Variants in FBN2 observed in about 807,000 individuals in gnomAD.
FBN2 encodes the protein fibrillin 2.
FBN2 carries 105 observed loss-of-function variants against 355.6 expected under a neutral mutation model. The ratio of observed to expected loss-of-function variants is 0.30; its 90% CI spans 0.25 to 0.35. The LOEUF (loss-of-function observed/expected upper bound fraction) is 0.35. Ranked by LOEUF, FBN2 falls within the 10% of genes least tolerant of loss-of-function variation. FBN2 has a pLI of 1.00. For missense variants in FBN2, 3,280 were observed against 3,758.7 expected (o/e 0.87, Z 3.33); for synonymous variants, 1,350 against 1,301.2 (o/e 1.04, Z -0.81).
intron 9 of FBN2, among the ~76,000 whole-genome samples, chr5:128,394,523 C>T (rs1461447309): frequency 1.3e-5 from 2 of 152,084 alleles, no homozygotes; most frequent in East Asian, 3.9e-4. Flanking sequence ...TTTTCTTCCT[C>T]ATAGATATTT....
chr5:128,444,112 C>A (rs1467941908), intron 7 of FBN2, among the ~76,000 whole-genome samples: 1 of 132,620 alleles, frequency 7.5e-6, no homozygotes, highest in Non-Finnish European at 1.5e-5. Context: ...GTCGCCCAGG[C>A]CGGACTGCGG....
At chr5:128,497,706 C>T (rs1385553184) in intron 5 of FBN2, among the ~76,000 whole-genome samples, 1 of 152,008 alleles carries the variant, frequency 6.6e-6, no homozygotes, top group African/African-American at 2.4e-5. Flanking sequence ...AGAGGTGGAG[C>T]CATATTTCAA....
chr5:128,465,322 G>C (rs1754680640), intron 5 of FBN2, among the ~76,000 whole-genome samples: 1 of 152,170 alleles, frequency 6.6e-6, no homozygotes. Context: ...AGCACTGGTG[G>C]GATGAAGTGT....
At chr5:128,361,898 T>A in intron 18 of FBN2, 50 bp from the exon 19 acceptor site, 1 of 1,562,956 alleles carries the variant, frequency 6.4e-7, no homozygotes, top group Non-Finnish European at 8.8e-7. Flanking sequence ...AAGCATCTAT[T>A]ACAGTGGGCA....
At chr5:128,384,586 G>A (rs1231511474) in intron 11 of FBN2, among the ~76,000 whole-genome samples, 1 of 152,010 alleles carries the variant, frequency 6.6e-6, no homozygotes, top group Non-Finnish European at 1.5e-5. Context: ...TATGATATAA[G>A]GTGTTGTGAA....
intron 6 of FBN2, among the ~76,000 whole-genome samples, chr5:128,447,867 A>T (rs1754115593): frequency 3.3e-5 from 5 of 152,174 alleles, no homozygotes. Context: ...ACACTTAGGG[A>T]AATAGAAAAG....
At position 128,377,828 on chromosome 5, in the gene FBN2, G is replaced by A. The variant is rs763629454; in HGVS notation, c.1773C>T (p.Cys591=). The A allele has an allele frequency of 3.7e-6, 6 of 1,613,178 alleles. No homozygotes were observed. The highest frequency in any genetic ancestry group is 2.2e-5 in the South Asian group (2 of 91,066). ...QNGVLCKNGR[C]VNTDGSFQCI... The stretch of plus-strand genomic sequence containing the variant: ...ACTGGAAACTTCCATCTGTGTTCAC[G>A]CATCGACCGTTTTTACAAAGAACCC... The change falls in exon 13 of 65, where the codon TGC becomes TGT. Residue 591 remains cysteine (C), a synonymous_variant. Transcript: ENST00000262464.
At chr5:128,346,088 C>A (rs1185201208) in intron 23 of FBN2, among the ~76,000 whole-genome samples, 1 of 151,676 alleles carries the variant, frequency 6.6e-6, no homozygotes, top group Non-Finnish European at 1.5e-5. Flanking sequence ...CCAACTTTAC[C>A]TTTTGCATCA....
rs1010256695 is a variant in FBN2 at position 128,470,183 on chromosome 5, C to T, written c.629-5262G>A. Among the ~76,000 whole-genome samples, 5 of 152,150 alleles carry T rather than the reference C, an allele frequency of 3.3e-5. No individual in the cohort carries two copies. In the East Asian group the frequency reaches 7.7e-4, roughly 23 times the overall value. Reference sequence around the variant, plus strand: ...AACAGGAGATTGTACTCCCACAGGACATAGGAAGCACATGCTGTAGAAAGG... The same window carrying T: ...AACAGGAGATTGTACTCCCACAGGATATAGGAAGCACATGCTGTAGAAAGG... On this transcript the variant is annotated intron_variant, in intron 5 of 64. Transcript: ENST00000262464.
intron 20 of FBN2, among the ~76,000 whole-genome samples, chr5:128,354,872 T>G (rs1751460921): frequency 6.6e-6 from 1 of 152,200 alleles, no homozygotes; most frequent in Non-Finnish European, 1.5e-5. Flanking sequence ...GGAGACACTG[T>G]ACAGACAGTT....
At chr5:128,424,762 C>T (rs190963735) in intron 7 of FBN2, among the ~76,000 whole-genome samples, 60 of 152,178 alleles carry the variant, frequency 3.9e-4, no homozygotes, top group African/African-American at 1.4e-3. Flanking sequence ...GAAATCAATA[C>T]TGCATCTTTC....
chr5:128,405,953 C>T (rs1752916169), intron 8 of FBN2, among the ~76,000 whole-genome samples: 1 of 152,164 alleles, frequency 6.6e-6, no homozygotes. Context: ...TGTTCAATGA[C>T]GACTCCCACG....
At chr5:128,415,281 T>C (rs890602191) in intron 7 of FBN2, among the ~76,000 whole-genome samples, 4 of 152,168 alleles carry the variant, frequency 2.6e-5, no homozygotes, top group Admixed American at 1.3e-4. Context: ...CCTACTCTTG[T>C]TATGAAACAC....
At chr5:128,528,336 A>T (rs1184692759) in intron 3 of FBN2, among the ~76,000 whole-genome samples, 1 of 152,176 alleles carries the variant, frequency 6.6e-6, no homozygotes, top group Non-Finnish European at 1.5e-5. Flanking sequence ...CTTGAAAGCT[A>T]TCCTCACAGA....
chr5:128,510,739 A>G (rs1384545823), intron 5 of FBN2, among the ~76,000 whole-genome samples: 1 of 152,200 alleles, frequency 6.6e-6, no homozygotes, highest in Non-Finnish European at 1.5e-5. Context: ...AATAATCCCC[A>G]AACGACAAGC....
chr5:128,494,558 A>G (rs1755601923), intron 5 of FBN2, among the ~76,000 whole-genome samples: 1 of 152,184 alleles, frequency 6.6e-6, no homozygotes, highest in Non-Finnish European at 1.5e-5. Context: ...CAATTAAGAA[A>G]TCAGTCAGAA....
intron 5 of FBN2, among the ~76,000 whole-genome samples, chr5:128,468,529 C>T (rs375874066): frequency 2.2e-4 from 33 of 152,250 alleles, no homozygotes; most frequent in South Asian, 4.1e-4. Flanking sequence ...TAACTTTCTA[C>T]GAAACTGCCA....
chr5:128,368,241 T>C (rs1403719121), intron 16 of FBN2, among the ~76,000 whole-genome samples: 2 of 152,014 alleles, frequency 1.3e-5, no homozygotes, highest in African/African-American at 2.4e-5. Flanking sequence ...TTAGAATCCC[T>C]ACTGTACTTA....
In FBN2 at chr5:128,289,263, G is replaced by A. The variant is rs759648926; in HGVS notation, c.6512-11C>T. 31 of 1,613,412 alleles carry A rather than the reference G, an allele frequency of 1.9e-5. No individual in the cohort carries two copies. The highest frequency in any genetic ancestry group is 2.5e-5 in the Non-Finnish European group (30 of 1,179,654). The stretch of plus-strand genomic sequence containing the variant: ...GACACTCATTGACATCTAAAATATA[G>A]AACTGCATGTGAATTTCCTCATATA... On this transcript the variant is annotated splice_polypyrimidine_tract_variant and intron_variant, in intron 51 of 64. Transcript: ENST00000262464.
Sources: allele counts gnomAD v4.1 joint callset (sites outside exome capture counted in the v4.1 genomes callset), GRCh38; gene constraint gnomAD v4.1.1; transcripts MANE v1.5; gene names NCBI Gene and HGNC (gene_info 2026-07-23, HGNC 2026-07-21).